The following PTPN2 variants were observed in gnomAD, a reference collection of about 807,000 sequenced individuals.
PTPN2 encodes the protein protein tyrosine phosphatase non-receptor type 2, also known as tyrosine-protein phosphatase non-receptor type 2.
Under a neutral mutation model 57.3 loss-of-function variants are expected in PTPN2, and 19 were observed. That is an observed-to-expected ratio of 0.33 (90% CI 0.23 to 0.49). The LOEUF is 0.49. PTPN2 is among the 20% of genes least tolerant of loss of function. The pLI, the probability that PTPN2 is intolerant of heterozygous loss-of-function variation, is 0.99. For missense variants in PTPN2, 358 were observed against 501.1 expected, an observed-to-expected ratio of 0.71 and a Z score of 2.73; for synonymous variants, 153 against 164.9, an observed-to-expected ratio of 0.93 and a Z score of 0.55.
chr18:12,830,828 C>T (rs1003022973), intron 4 of PTPN2, 115 bp downstream of exon 4: 8 of 704,424 alleles, frequency 1.1e-5, no homozygotes, highest in African/African-American at 8.9e-5. Context: ...TGACCGCTAG[C>T]CTTTAGCAAT....
At chr18:12,859,301 C>G (rs1301979416) in intron 1 of PTPN2, 47 bp from the exon 2 acceptor site, 1 of 1,302,820 alleles carries the variant, frequency 7.7e-7, no homozygotes, top group South Asian at 1.3e-5. Context: ...AAATTCTCCA[C>G]AGCAAAACTT....
At chr18:12,801,277 C>T (rs1438608874) in intron 8 of PTPN2, among the ~76,000 whole-genome samples, 2 of 152,160 alleles carry the variant, frequency 1.3e-5, no homozygotes, top group South Asian at 2.1e-4. Flanking sequence ...CTTTGGGAGG[C>T]TGAGGCGGGT....
chr18:12,796,658 T>C (rs1246600693), intron 8 of PTPN2, among the ~76,000 whole-genome samples: 1 of 152,166 alleles, frequency 6.6e-6, no homozygotes, highest in Non-Finnish European at 1.5e-5. Context: ...TGAGAACACA[T>C]GTCCATGCAA....
intron 6 of PTPN2, among the ~76,000 whole-genome samples, chr18:12,815,089 TAA>T (rs1387902599): frequency 4.1e-5 from 1 of 24,686 alleles, no homozygotes; most frequent in Non-Finnish European, 8.7e-5. Context: ...ATCTCAAAAA[TAA>T]ATAAATAAAT....
chr18:12,846,429 T>C (rs1004883179), intron 2 of PTPN2, among the ~76,000 whole-genome samples: 19 of 152,216 alleles, frequency 1.2e-4, no homozygotes, highest in Admixed American at 1.1e-3. Flanking sequence ...TTTCTTTACA[T>C]CAGTATAGAC....
At chr18:12,840,673 C>A in intron 2 of PTPN2, 2 of 1,590,054 alleles carry the variant, frequency 1.3e-6, no homozygotes, top group Non-Finnish European at 1.7e-6. Context: ...CACACTAGAG[C>A]ACAAAAATGA....
At chr18:12,832,690 G>GA (rs371384647) in intron 3 of PTPN2, among the ~76,000 whole-genome samples, 134 of 148,724 alleles carry the variant, frequency 9.0e-4, no homozygotes, top group African/African-American at 2.6e-3. Flanking sequence ...CTTTAATTAG[G>GA]AAAAAAAAAA....
chr18:12,838,243 T>C (rs934788411), intron 2 of PTPN2, among the ~76,000 whole-genome samples: 1 of 152,154 alleles, frequency 6.6e-6, no homozygotes. Context: ...GCTACTCATA[T>C]CTATTGCACA....
At chr18:12,868,727 G>A (rs1216325905) in intron 1 of PTPN2, among the ~76,000 whole-genome samples, 5 of 146,184 alleles carry the variant, frequency 3.4e-5, no homozygotes, top group Non-Finnish European at 7.6e-5. Flanking sequence ...AGTTCAGGGA[G>A]ATTGAGACCA....
chr18:12,796,123 A>G (rs553503123), intron 8 of PTPN2, among the ~76,000 whole-genome samples: 11 of 152,308 alleles, frequency 7.2e-5, no homozygotes, highest in African/African-American at 2.6e-4. Context: ...TATCTGGCCT[A>G]GAAGCTTCAA....
At chr18:12,815,062 C>T (rs550154422) in intron 6 of PTPN2, among the ~76,000 whole-genome samples, 117 of 147,362 alleles carry the variant, frequency 7.9e-4, no homozygotes, top group African/African-American at 2.6e-3. Context: ...CCAGCCTGGG[C>T]GACAGAGCGA....
At chr18:12,880,185 G>A (rs2145548277) in intron 1 of PTPN2, among the ~76,000 whole-genome samples, 1 of 152,290 alleles carries the variant, frequency 6.6e-6, no homozygotes, top group South Asian at 2.1e-4. Flanking sequence ...AGGGGGGAAA[G>A]TTGTGCCAAG....
At chr18:12,843,264 A>T (rs3826557) in intron 2 of PTPN2, among the ~76,000 whole-genome samples, 48,284 of 152,060 alleles carry the variant, frequency 0.32, 8,976 homozygotes, top group Admixed American at 0.41. Flanking sequence ...TGTCTGTCAA[A>T]ATCAGTGGCT....
intron 8 of PTPN2, among the ~76,000 whole-genome samples, chr18:12,797,054 T>C (rs945601870): frequency 4.6e-5 from 7 of 152,142 alleles, no homozygotes; most frequent in African/African-American, 1.7e-4. Context: ...CTATAATGAC[T>C]TGCAAAAATT....
At chr18:12,883,808 T>G (rs986033915) in intron 1 of PTPN2, 7 of 329,434 alleles carry the variant, frequency 2.1e-5, no homozygotes, top group Admixed American at 2.0e-4. Flanking sequence ...GAAGCCGCTG[T>G]GGCACCGCCC....
chr18:12,882,079 C>T (rs1478294876), intron 1 of PTPN2, among the ~76,000 whole-genome samples: 6 of 152,162 alleles, frequency 3.9e-5, no homozygotes, highest in Admixed American at 2.6e-4. Context: ...GCTGCAACTC[C>T]ACTGGGGGTC....
At chr18:12,832,258 AGGCACCC>A (rs1212480482) in intron 3 of PTPN2, among the ~76,000 whole-genome samples, 1 of 152,156 alleles carries the variant, frequency 6.6e-6, no homozygotes, top group Non-Finnish European at 1.5e-5. Context: ...CTGGAATTAT[AGGCACCC>A]GCCACCACAC....
At chr18:12,884,012 A>G in intron 1 of PTPN2, 61 bp downstream of exon 1, 2 of 1,421,890 alleles carry the variant, frequency 1.4e-6, no homozygotes, top group East Asian at 2.7e-5. Flanking sequence ...GACCCTGCGG[A>G]CAGGGCACGA....
intron 2 of PTPN2, among the ~76,000 whole-genome samples, chr18:12,848,478 T>C (rs770654652): frequency 6.6e-6 from 1 of 152,256 alleles, no homozygotes; most frequent in Non-Finnish European, 1.5e-5. Context: ...GGAAGTTGTA[T>C]GTGACTTCTA....
Sources: allele counts gnomAD v4.1 joint callset (sites outside exome capture counted in the v4.1 genomes callset), GRCh38; gene constraint gnomAD v4.1.1; transcripts MANE v1.5; gene names NCBI Gene and HGNC (gene_info 2026-07-23, HGNC 2026-07-21).